LINGO2: variants seen among roughly 807,000 people sequenced by gnomAD.
LINGO2 encodes leucine-rich repeat and immunoglobulin-like domain-containing nogo receptor-interacting protein 2.
A neutral mutation model predicts 30.6 loss-of-function variants in LINGO2; 14 were observed. The observed-to-expected ratio is 0.46, with a 90% CI of 0.30 to 0.72. The LOEUF (loss-of-function observed/expected upper bound fraction) is 0.72, where lower values mean the gene tolerates loss of function less well. LINGO2 is among the 30% of genes least tolerant of loss of function. The probability of loss-of-function intolerance (pLI) is 0.07; values close to 1 mark genes in which losing one functional copy is unlikely to be tolerated. For synonymous variants in LINGO2, 317 were observed against 288.5 expected (o/e 1.10, Z -1.00); for missense variants, 729 against 751.7 (o/e 0.97, Z 0.35).
the LINGO2 span, among the ~76,000 whole-genome samples, chr9:28,885,938 G>A: frequency 6.6e-6 from 1 of 152,134 alleles, no homozygotes; most frequent in Admixed American, 6.6e-5. Context: ...CATTGAACTT[G>A]CCTAATATAC....
intron 4 of LINGO2, among the ~76,000 whole-genome samples, chr9:28,187,937 T>C (rs1374964890): frequency 6.6e-6 from 1 of 152,222 alleles, no homozygotes; most frequent in Non-Finnish European, 1.5e-5. Context: ...TTCCAAACTA[T>C]GATTTGCTTC....
At chr9:28,894,712 C>T in the LINGO2 span, among the ~76,000 whole-genome samples, 6 of 151,464 alleles carry the variant, frequency 4.0e-5, no homozygotes, top group Non-Finnish European at 8.8e-5. Flanking sequence ...ATATAATTTC[C>T]CTTTAAAATT....
At chr9:28,065,685 T>C (rs976751594) in intron 4 of LINGO2, among the ~76,000 whole-genome samples, 4 of 152,008 alleles carry the variant, frequency 2.6e-5, no homozygotes, top group African/African-American at 7.2e-5. Flanking sequence ...GAATCCGGGG[T>C]CTGCATGGGT....
the LINGO2 span, among the ~76,000 whole-genome samples, chr9:29,104,760 A>G: frequency 6.6e-6 from 1 of 152,184 alleles, no homozygotes; most frequent in South Asian, 2.1e-4. Context: ...CTACATCTTA[A>G]AAACTTCTAT....
chr9:28,987,914 A>G, the LINGO2 span, among the ~76,000 whole-genome samples: 4 of 152,102 alleles, frequency 2.6e-5, no homozygotes, highest in East Asian at 1.9e-4. Context: ...TATGATTTCA[A>G]TCTTAAACTT....
the LINGO2 span, among the ~76,000 whole-genome samples, chr9:29,099,983 G>C: frequency 6.6e-6 from 1 of 152,096 alleles, no homozygotes. Context: ...AGCAACCTAG[G>C]TGTCCATCAG....
At chr9:28,898,206 T>C in the LINGO2 span, among the ~76,000 whole-genome samples, 1 of 152,170 alleles carries the variant, frequency 6.6e-6, no homozygotes, top group Non-Finnish European at 1.5e-5. Flanking sequence ...CCTTAAATAA[T>C]TCATCAAACG....
chr9:28,464,491 G>T (rs1004539497), intron 2 of LINGO2, among the ~76,000 whole-genome samples: 1 of 152,140 alleles, frequency 6.6e-6, no homozygotes, highest in Admixed American at 6.5e-5. Flanking sequence ...TGAAGAATAT[G>T]TTAAATATAC....
At chr9:28,756,280 AGTCCCTTT>A in the LINGO2 span, among the ~76,000 whole-genome samples, 1 of 152,020 alleles carries the variant, frequency 6.6e-6, no homozygotes, top group African/African-American at 2.4e-5. Context: ...TGGGGCCTGT[AGTCCCTTT>A]GTTTTGGCCA....
At position 28,408,788 on chromosome 9, in the gene LINGO2, C is replaced by CA. The variant is rs67322645; in HGVS notation, c.-278-35921dup. On this transcript the variant is annotated intron_variant, in intron 2 of 5. Coordinates refer to ENST00000379992, the Ensembl canonical transcript of LINGO2. ...GTATAAAAAAACAAAAAAAAAAAAA[C>CA]AAAAAAAAACAAATAGAAAGATGGC... Among the ~76,000 whole-genome samples the CA allele has an allele frequency of 0.011, 1,514 of 139,754 alleles. 48 individuals carry two copies. The East Asian group carries it at 0.11, about 10-fold the overall frequency. The allele number at this position is 139,754 out of a possible 152,430, so 91.7% of individuals were successfully genotyped here.
intron 4 of LINGO2, among the ~76,000 whole-genome samples, chr9:28,163,814 C>T (rs756946595): frequency 3.9e-5 from 6 of 152,122 alleles, no homozygotes; most frequent in Non-Finnish European, 8.8e-5. Context: ...ATCCAACTTG[C>T]CTATTTACAG....
chr9:28,244,297 A>G (rs1240319053), intron 4 of LINGO2, among the ~76,000 whole-genome samples: 1 of 152,226 alleles, frequency 6.6e-6, no homozygotes, highest in Admixed American at 6.5e-5. Context: ...CAGACAATGT[A>G]CCAGAATCTC....
At chr9:29,049,291 C>T in the LINGO2 span, among the ~76,000 whole-genome samples, 1 of 152,138 alleles carries the variant, frequency 6.6e-6, no homozygotes, top group Non-Finnish European at 1.5e-5. Context: ...GTTAAAATGG[C>T]TTATATCCAA....
At chr9:29,196,978 G>T in the LINGO2 span, among the ~76,000 whole-genome samples, 45 of 152,104 alleles carry the variant, frequency 3.0e-4, no homozygotes, top group African/African-American at 1.0e-3. Flanking sequence ...ACTGGCCATA[G>T]AAATACCTTC....
chr9:28,663,608 A>G (rs552339013), intron 1 of LINGO2, among the ~76,000 whole-genome samples: 1 of 152,326 alleles, frequency 6.6e-6, no homozygotes, highest in East Asian at 1.9e-4. Flanking sequence ...GCAAACCAAA[A>G]ACTGGAATAA....
chr9:28,221,134 A>C (rs7875218), intron 4 of LINGO2, among the ~76,000 whole-genome samples: 129,749 of 151,632 alleles, frequency 0.86, 55,771 homozygotes, highest in Non-Finnish European at 0.9. Flanking sequence ...CCCGTCTCTA[A>C]TAAAAATAGA....
intron 4 of LINGO2, among the ~76,000 whole-genome samples, chr9:28,252,914 T>C (rs1218961138): frequency 6.6e-6 from 1 of 152,036 alleles, no homozygotes; most frequent in Non-Finnish European, 1.5e-5. Flanking sequence ...GTAACTTTAA[T>C]GGACAGTCTC....
At chr9:28,111,451 C>T (rs1206600746) in intron 4 of LINGO2, among the ~76,000 whole-genome samples, 1 of 151,808 alleles carries the variant, frequency 6.6e-6, no homozygotes, top group Non-Finnish European at 1.5e-5. Context: ...TCATGCGTTC[C>T]TCCTATGTGA....
chr9:28,550,295 T>C (rs1822205574), intron 1 of LINGO2, among the ~76,000 whole-genome samples: 1 of 151,808 alleles, frequency 6.6e-6, no homozygotes, highest in South Asian at 2.1e-4. Context: ...GCTTAACTTC[T>C]CATATGTTTT....
Sources: allele counts gnomAD v4.1 joint callset (sites outside exome capture counted in the v4.1 genomes callset), GRCh38; gene constraint gnomAD v4.1.1; transcripts MANE v1.5; gene names NCBI Gene and HGNC (gene_info 2026-07-23, HGNC 2026-07-21).